Variants in ABCD3 observed in about 807,000 individuals in gnomAD.
ABCD3 encodes ATP-binding cassette sub-family D member 3.
Under a neutral mutation model 105.5 loss-of-function variants are expected in ABCD3, and 41 were observed. That is an observed-to-expected ratio of 0.39 (90% CI 0.30 to 0.50). ABCD3 has a LOEUF of 0.50. ABCD3 is among the 20% of genes least tolerant of loss of function. The pLI, the probability that ABCD3 is intolerant of heterozygous loss-of-function variation, is 0.84. For missense variants in ABCD3, 622 were observed against 806.3 expected (o/e 0.77, Z 2.77); for synonymous variants, 258 against 269.0 (o/e 0.96, Z 0.40).
chr1:94,505,115 A>T (rs1041588786), intron 20 of ABCD3, among the ~76,000 whole-genome samples: 1 of 152,138 alleles, frequency 6.6e-6, no homozygotes, highest in African/African-American at 2.4e-5. Flanking sequence ...TGAGTTTTAG[A>T]CTTTTAACGT....
At chr1:94,398,875 T>C in the ABCD3 span, among the ~76,000 whole-genome samples, 1 of 151,962 alleles carries the variant, frequency 6.6e-6, no homozygotes, top group Admixed American at 6.6e-5. Flanking sequence ...GATCATGCCA[T>C]TGCACTCCAG....
At chr1:94,515,224 TGG>T (rs771798286) in intron 22 of ABCD3, 22 bp downstream of exon 22, 1 of 1,574,868 alleles carries the variant, frequency 6.3e-7, no homozygotes, top group East Asian at 2.2e-5. Context: ...TTTCATTGAA[TGG>T]TACAGTGAAA....
chr1:94,508,449 G>T (rs991135413), intron 21 of ABCD3, among the ~76,000 whole-genome samples: 2 of 151,684 alleles, frequency 1.3e-5, no homozygotes, highest in Non-Finnish European at 2.9e-5. Context: ...TTGTTCTTTT[G>T]GCTTAGGATT....
upstream of ABCD3, among the ~76,000 whole-genome samples, chr1:94,416,528 G>T (rs534286626): frequency 2.6e-5 from 4 of 152,132 alleles, no homozygotes; most frequent in East Asian, 7.7e-4. Context: ...ATGTGAGGTC[G>T]TTGGGGCTCA....
At chr1:94,477,718 ATG>A (rs1187061634) in intron 7 of ABCD3, among the ~76,000 whole-genome samples, 1 of 67,512 alleles carries the variant, frequency 1.5e-5, no homozygotes, top group Non-Finnish European at 5.0e-5. Flanking sequence ...CAGTACATTA[ATG>A]TGTTATTTTG....
rs1648608063 is a variant in ABCD3 at position 94,473,927 on chromosome 1, CTT to C, written c.405+93_405+94del. ...TTTTACTTATTAAATTCTTTAAAGACTTATGATACTAAGTTCCTATTTTCAGT... is the reference window on the plus strand; with the variant it reads ...TTTTACTTATTAAATTCTTTAAAGACATGATACTAAGTTCCTATTTTCAGT... On this transcript the variant is annotated intron_variant, in intron 5 of 22. Coordinates refer to ENST00000370214, the MANE Select transcript of ABCD3 (RefSeq NM_002858.4). 7.4e-6 allele frequency: 7 copies of C among 942,586 alleles called. No individual in the cohort carries two copies. The Admixed American group carries it at 1.0e-4, about 14-fold the overall frequency. The allele number at this position is 942,586 out of a possible 1,614,324, so 58.4% of individuals were successfully genotyped here. A position where few individuals can be genotyped will look rare whatever the true frequency, so the allele number is the denominator to read the frequency against.
chr1:94,465,827 C>G (rs545674417), intron 3 of ABCD3, among the ~76,000 whole-genome samples: 16 of 152,196 alleles, frequency 1.1e-4, no homozygotes, highest in African/African-American at 3.9e-4. Flanking sequence ...ATGCCGTATT[C>G]TCCATCTTCC....
At chr1:94,485,216 A>G (rs1388814496) in intron 10 of ABCD3, among the ~76,000 whole-genome samples, 2 of 152,182 alleles carry the variant, frequency 1.3e-5, no homozygotes, top group Non-Finnish European at 2.9e-5. Flanking sequence ...TTTGAATTCA[A>G]GTACTTTTAT....
chr1:94,456,161 T>G (rs2100953366), intron 1 of ABCD3, among the ~76,000 whole-genome samples: 1 of 151,740 alleles, frequency 6.6e-6, no homozygotes. Flanking sequence ...ATTCCACATG[T>G]AAGTGAGATT....
chr1:94,445,090 C>T (rs1660297436), intron 1 of ABCD3, among the ~76,000 whole-genome samples: 1 of 152,210 alleles, frequency 6.6e-6, no homozygotes, highest in Non-Finnish European at 1.5e-5. Context: ...GTAAGAAATG[C>T]TTTTAGTTAA....
intron 1 of ABCD3, among the ~76,000 whole-genome samples, chr1:94,441,125 A>G (rs1374126534): frequency 3.3e-5 from 5 of 152,202 alleles, no homozygotes; most frequent in East Asian, 3.8e-4. Context: ...ACATTTGACT[A>G]TATAAAATTA....
intron 21 of ABCD3, among the ~76,000 whole-genome samples, chr1:94,510,458 T>C (rs1650603294): frequency 6.6e-6 from 1 of 152,186 alleles, no homozygotes; most frequent in South Asian, 2.1e-4. Flanking sequence ...GAAAAAAATG[T>C]GTATTCTGTT....
At chr1:94,446,347 C>T (rs1057437647) in intron 1 of ABCD3, among the ~76,000 whole-genome samples, 1 of 152,066 alleles carries the variant, frequency 6.6e-6, no homozygotes, top group African/African-American at 2.4e-5. Context: ...AAGGTCCCAA[C>T]AGGAGTCTGT....
intron 13 of ABCD3, among the ~76,000 whole-genome samples, chr1:94,489,210 A>T (rs181122873): frequency 6.6e-6 from 1 of 152,204 alleles, no homozygotes; most frequent in East Asian, 1.9e-4. Context: ...ATCTAATAAT[A>T]AGAACTCATC....
intron 4 of ABCD3, chr1:94,472,131 G>A (rs1179023384): frequency 1.6e-5 from 10 of 624,700 alleles, no homozygotes; most frequent in Non-Finnish European, 1.8e-5. Context: ...TAGTGATTAG[G>A]GCTATTGTAA....
chr1:94,456,643 A>G (rs988269668), intron 1 of ABCD3, among the ~76,000 whole-genome samples: 11 of 148,878 alleles, frequency 7.4e-5, no homozygotes, highest in African/African-American at 2.7e-4. Context: ...TTATCCATTG[A>G]TCTCTCGATG....
chr1:94,480,752 T>C, intron 9 of ABCD3, 146 bp downstream of exon 9: 2 of 871,202 alleles, frequency 2.3e-6, no homozygotes, highest in Non-Finnish European at 3.6e-6. Flanking sequence ...AAGAGACTAG[T>C]TTTATAAAGT....
intron 4 of ABCD3, among the ~76,000 whole-genome samples, chr1:94,469,953 G>C (rs1049286420): frequency 1.3e-5 from 2 of 151,866 alleles, no homozygotes; most frequent in Non-Finnish European, 2.9e-5. Flanking sequence ...GCTTTAATCA[G>C]GATTGGTTGC....
At chr1:94,471,110 G>C (rs1648434990) in intron 4 of ABCD3, among the ~76,000 whole-genome samples, 1 of 152,058 alleles carries the variant, frequency 6.6e-6, no homozygotes, top group African/African-American at 2.4e-5. Context: ...GTGTTTGTAG[G>C]GGGACCCTAA....
Sources: allele counts gnomAD v4.1 joint callset (sites outside exome capture counted in the v4.1 genomes callset), GRCh38; gene constraint gnomAD v4.1.1; transcripts MANE v1.5; gene names NCBI Gene and HGNC (gene_info 2026-07-23, HGNC 2026-07-21).